The following MSH3 variants were observed in gnomAD, a reference collection of about 807,000 sequenced individuals.
MSH3 encodes DNA mismatch repair protein Msh3.
A neutral mutation model predicts 123.3 loss-of-function variants in MSH3; 106 were observed. The ratio of observed to expected loss-of-function variants is 0.86; its 90% CI spans 0.73 to 1.01. MSH3 has a LOEUF of 1.01. Ranked by LOEUF, MSH3 falls within the 50% of genes least tolerant of loss-of-function variation. MSH3 has a pLI of 0.00. For missense variants in MSH3, 1,459 were observed against 1,347.6 expected (o/e 1.08, Z -1.29); for synonymous variants, 515 against 481.4 (o/e 1.07, Z -0.91).
At chr5:80,777,258 A>G (rs1200827645) in intron 16 of MSH3, among the ~76,000 whole-genome samples, 1 of 152,066 alleles carries the variant, frequency 6.6e-6, no homozygotes, top group African/African-American at 2.4e-5. Context: ...AGGCACAGGC[A>G]TGGATTTCTT....
At chr5:80,790,943 A>G (rs1361119434) in intron 18 of MSH3, among the ~76,000 whole-genome samples, 1 of 152,130 alleles carries the variant, frequency 6.6e-6, no homozygotes, top group South Asian at 2.1e-4. Context: ...TCCTAGGTGA[A>G]TTTTCTCAAA....
intron 19 of MSH3, among the ~76,000 whole-genome samples, chr5:80,807,991 C>A (rs930632499): frequency 1.3e-5 from 2 of 152,026 alleles, no homozygotes; most frequent in Admixed American, 1.3e-4. Flanking sequence ...TATTTGAGGA[C>A]CTGCTGTATT....
At chr5:80,678,288 C>G (rs1364743300) in intron 7 of MSH3, among the ~76,000 whole-genome samples, 2 of 152,174 alleles carry the variant, frequency 1.3e-5, no homozygotes, top group Non-Finnish European at 2.9e-5. Flanking sequence ...TTCTCCAAAC[C>G]ATGATCTTTT....
chr5:80,768,183 T>C, intron 14 of MSH3, 63 bp downstream of exon 14: 1 of 1,403,054 alleles, frequency 7.1e-7, no homozygotes, highest in Non-Finnish European at 1.0e-6. Flanking sequence ...CATTTGCCAT[T>C]TATTTGTGGA....
chr5:80,870,191 A>AG (rs1287179070), intron 22 of MSH3, among the ~76,000 whole-genome samples: 1 of 151,618 alleles, frequency 6.6e-6, no homozygotes, highest in Non-Finnish European at 1.5e-5. Context: ...AAAAAAAAAA[A>AG]AAATTCATTA....
At chr5:80,765,453 C>G (rs769723421) in intron 13 of MSH3, among the ~76,000 whole-genome samples, 2 of 152,146 alleles carry the variant, frequency 1.3e-5, no homozygotes, top group Non-Finnish European at 2.9e-5. Context: ...TCAACATTTG[C>G]TCAGTTGGAC....
chr5:80,711,136 A>G (rs187298221), intron 8 of MSH3, among the ~76,000 whole-genome samples: 74 of 152,344 alleles, frequency 4.9e-4, no homozygotes, highest in African/African-American at 1.7e-3. Context: ...CCTAGTATAG[A>G]CTTTCTGCCT....
chr5:80,835,087 C>T (rs991413868), intron 20 of MSH3, among the ~76,000 whole-genome samples: 3 of 152,182 alleles, frequency 2.0e-5, no homozygotes, highest in Admixed American at 6.5e-5. Context: ...AATGTGCCAT[C>T]AGACAAGCTC....
At chr5:80,800,796 T>G (rs1744777718) in intron 19 of MSH3, among the ~76,000 whole-genome samples, 1 of 152,220 alleles carries the variant, frequency 6.6e-6, no homozygotes, top group Non-Finnish European at 1.5e-5. Context: ...AAGACACAAT[T>G]CCTGCTCTCA....
chr5:80,785,817 AATG>A (rs1744496286), intron 17 of MSH3, among the ~76,000 whole-genome samples: 1 of 152,210 alleles, frequency 6.6e-6, no homozygotes, highest in Non-Finnish European at 1.5e-5. Context: ...AGCCATAAAA[AATG>A]ATGAGTTCAT....
intron 2 of MSH3, among the ~76,000 whole-genome samples, chr5:80,663,146 G>A (rs1432760626): frequency 6.6e-6 from 1 of 152,226 alleles, no homozygotes; most frequent in Non-Finnish European, 1.5e-5. Context: ...GCTGAGGTGG[G>A]AGGATCTCTT....
chr5:80,815,663 A>G lies in MSH3; in HGVS notation c.2813+1922A>G, dbSNP rs536845737. 7.0e-4 allele frequency among the ~76,000 whole-genome samples: 107 copies of G among 152,282 alleles called. 1 individual carries two copies. The highest frequency in any genetic ancestry group is 1.1e-3 in the Non-Finnish European group (72 of 68,016). On this transcript the variant is annotated intron_variant, in intron 20 of 23. Transcript: ENST00000265081. Reference sequence around the variant, plus strand: ...GGTAAAAAGGAGAAGGGACTGCCATAGCTCCCCCACACCCTTTTTTTAAAA... The same window carrying G: ...GGTAAAAAGGAGAAGGGACTGCCATGGCTCCCCCACACCCTTTTTTTAAAA...
chr5:80,761,534 CTT>C lies in MSH3; in HGVS notation c.1764-9_1764-8del, dbSNP rs41559616. 5,138 of 1,613,900 alleles carry C rather than the reference CTT, an allele frequency of 3.2e-3. 53 individuals are homozygous for C. Among genetic ancestry groups the C allele is most frequent in the Non-Finnish European group, 2.0e-3 (2,364 of 1,179,852 alleles). On this transcript the variant is annotated splice_polypyrimidine_tract_variant and intron_variant, in intron 12 of 23. Coordinates refer to ENST00000265081, the MANE Select transcript of MSH3 (RefSeq NM_002439.5). Reference sequence around the variant, plus strand: ...AACATATCTGATTATTGCTATTACTCTTTTCTCACAGGGAAATAAATGCCCGG... The same window carrying C: ...AACATATCTGATTATTGCTATTACTCTTCTCACAGGGAAATAAATGCCCGG...
chr5:80,741,887 A>G (rs778081280), intron 11 of MSH3, among the ~76,000 whole-genome samples: 27 of 151,984 alleles, frequency 1.8e-4, no homozygotes, highest in Non-Finnish European at 3.2e-4. Flanking sequence ...ATATTTTTCT[A>G]TACACCTTTA....
intron 20 of MSH3, among the ~76,000 whole-genome samples, chr5:80,837,316 C>T (rs1478063766): frequency 6.6e-6 from 1 of 152,254 alleles, no homozygotes; most frequent in Non-Finnish European, 1.5e-5. Context: ...CGGTGGCTCA[C>T]GCCTATTATC....
intron 19 of MSH3, among the ~76,000 whole-genome samples, chr5:80,807,629 A>G (rs1744915589): frequency 1.3e-5 from 2 of 152,230 alleles, no homozygotes; most frequent in Non-Finnish European, 2.9e-5. Context: ...ATGCATTTGT[A>G]TGATTATCAC....
chr5:80,813,724 G>C lies in MSH3; in HGVS notation c.2796G>C (p.Val932=). 1.2e-6 allele frequency: 2 copies of C among 1,614,134 alleles called. No individual in the cohort carries two copies. Among genetic ancestry groups the C allele is most frequent in the Non-Finnish European group, 1.7e-6 (2 of 1,180,014 alleles). ...VPAEEATIGI[V]DGIFTRMGAA... is the part of the protein sequence containing the mutation. ...CAGAAGAAGCGACAATTGGGATTGT[G>C]GATGGCATTTTCACAAGGTAAGTAC... The change falls in exon 20 of 24, where the codon GTG becomes GTC. Residue 932 remains valine, a synonymous_variant. Transcript: ENST00000265081.
Position 80,671,821 on chromosome 5 carries a change from G to T in MSH3, c.793-423G>T, listed in dbSNP as rs569249115. Among the ~76,000 whole-genome samples, 5 of 152,242 alleles carry T rather than the reference G, an allele frequency of 3.3e-5. No individual in the cohort carries two copies. The South Asian group carries it at 1.0e-3, about 32-fold the overall frequency. On this transcript the variant is annotated intron_variant, in intron 4 of 23. Transcript: ENST00000265081. ...GGGTTTCTCTTTTTACTTTTTCAAT[G>T]ATTTCTCTGTCCGGATGGGTTCATC...
At chr5:80,721,450 C>G (rs552997258) in intron 8 of MSH3, among the ~76,000 whole-genome samples, 2 of 152,328 alleles carry the variant, frequency 1.3e-5, no homozygotes, top group East Asian at 3.9e-4. Context: ...AAACTGCACT[C>G]CCAATTTCAG....
Sources: gnomAD v4.1 joint callset for allele counts (sites outside exome capture counted in the v4.1 genomes callset) on GRCh38, gnomAD v4.1.1 for gene constraint, MANE v1.5 for transcripts, NCBI Gene and HGNC (gene_info 2026-07-23, HGNC 2026-07-21) for gene names.